The following CPNE4 variants were observed in gnomAD, a reference collection of about 807,000 sequenced individuals.
CPNE4 encodes the protein copine 4, also known as copine-4.
CPNE4 carries 25 observed loss-of-function variants against 67.9 expected under a neutral mutation model. The observed-to-expected ratio is 0.37, with a 90% confidence interval of 0.27 to 0.51. The LOEUF (loss-of-function observed/expected upper bound fraction) is 0.51. Among genes scored for constraint, CPNE4 ranks in the 20% least tolerant of loss-of-function variants. CPNE4 has a pLI of 0.93. For synonymous variants in CPNE4, 242 were observed against 244.9 expected (o/e 0.99, Z 0.11); for missense variants, 464 against 690.8 (o/e 0.67, Z 3.68).
chr3:131,836,361 C>T lies in CPNE4; in HGVS notation c.180+68903G>A, dbSNP rs560286378. On this transcript the variant is annotated intron_variant, in intron 2 of 15. Coordinates refer to ENST00000429747, the MANE Select transcript of CPNE4 (RefSeq NM_130808.3). Reference sequence around the variant, plus strand: ...TACAGTCTAAAAGAAAAAAAGTGTACGATTATATTAATTAAAGCAGAAAAG... The same window carrying T: ...TACAGTCTAAAAGAAAAAAAGTGTATGATTATATTAATTAAAGCAGAAAAG... 9.9e-4 allele frequency among the ~76,000 whole-genome samples: 150 copies of T among 152,134 alleles called. 1 individual carries two copies. Among genetic ancestry groups the T allele is most frequent in the African/African-American group, 3.3e-3 (136 of 41,486 alleles).
At chr3:131,718,026 C>T (rs1317946397) in intron 3 of CPNE4, among the ~76,000 whole-genome samples, 1 of 150,472 alleles carries the variant, frequency 6.6e-6, no homozygotes, top group East Asian at 1.9e-4. Context: ...TCTTTTGAGA[C>T]AGAGTATTGC....
intron 6 of CPNE4, among the ~76,000 whole-genome samples, chr3:131,671,304 T>TA (rs11461098): frequency 0.05 from 7,593 of 152,144 alleles, 593 homozygotes; most frequent in African/African-American, 0.17. Flanking sequence ...GAGAATTAGG[T>TA]AAAAAATTGT....
At chr3:131,918,026 T>C (rs1262430858) in intron 1 of CPNE4, among the ~76,000 whole-genome samples, 1 of 152,214 alleles carries the variant, frequency 6.6e-6, no homozygotes, top group Non-Finnish European at 1.5e-5. Context: ...TAATTATGTG[T>C]CTGTCCCAGT....
chr3:131,907,158 G>C (rs2088805104), intron 1 of CPNE4, among the ~76,000 whole-genome samples: 1 of 152,136 alleles, frequency 6.6e-6, no homozygotes, highest in Non-Finnish European at 1.5e-5. Flanking sequence ...CAGAGCCCCA[G>C]TGATCCACCA....
intron 8 of CPNE4, among the ~76,000 whole-genome samples, chr3:131,587,019 G>C (rs1258642282): frequency 6.6e-6 from 1 of 152,162 alleles, no homozygotes; most frequent in Non-Finnish European, 1.5e-5. Flanking sequence ...TGGAAATATA[G>C]ACCTAGAAGG....
chr3:131,910,721 G>A (rs964613208), intron 1 of CPNE4, among the ~76,000 whole-genome samples: 2 of 152,156 alleles, frequency 1.3e-5, no homozygotes, highest in African/African-American at 2.4e-5. Context: ...GCAGCCATGA[G>A]CCATTATCAG....
chr3:131,876,862 A>C (rs1202768600), intron 2 of CPNE4, among the ~76,000 whole-genome samples: 1 of 152,176 alleles, frequency 6.6e-6, no homozygotes, highest in Non-Finnish European at 1.5e-5. Context: ...AGTACCATGT[A>C]GAAGATGCAC....
At chr3:131,761,314 C>A (rs2082885182) in intron 2 of CPNE4, among the ~76,000 whole-genome samples, 1 of 150,338 alleles carries the variant, frequency 6.7e-6, no homozygotes, top group African/African-American at 2.5e-5. Flanking sequence ...TTCCTGAGCT[C>A]AGGTCATCTT....
intron 2 of CPNE4, among the ~76,000 whole-genome samples, chr3:131,835,055 C>T (rs1381094177): frequency 8.5e-5 from 13 of 152,198 alleles, no homozygotes; most frequent in Non-Finnish European, 1.9e-4. Context: ...TTTCAACAAA[C>T]ACCCTGGATA....
chr3:131,799,002 C>A (rs1350994746), intron 2 of CPNE4, among the ~76,000 whole-genome samples: 1 of 152,040 alleles, frequency 6.6e-6, no homozygotes, highest in Non-Finnish European at 1.5e-5. Context: ...ACTTGCATGT[C>A]CCATAGTCAA....
intron 1 of CPNE4, among the ~76,000 whole-genome samples, chr3:131,929,827 A>G (rs1299316662): frequency 6.6e-6 from 1 of 152,182 alleles, no homozygotes; most frequent in Non-Finnish European, 1.5e-5. Flanking sequence ...CCTTACTGCT[A>G]TTGAATGAAT....
chr3:131,866,729 A>G (rs1240306326), intron 2 of CPNE4, among the ~76,000 whole-genome samples: 2 of 152,204 alleles, frequency 1.3e-5, no homozygotes, highest in African/African-American at 2.4e-5. Context: ...GTTCAAAAGA[A>G]AAATAAGTGA....
intron 2 of CPNE4, among the ~76,000 whole-genome samples, chr3:131,826,570 GT>G (rs1217614345): frequency 2.7e-5 from 4 of 150,022 alleles, no homozygotes; most frequent in African/African-American, 7.6e-5. Flanking sequence ...TTGTTTTTTT[GT>G]TTGTTTGTTT....
intron 11 of CPNE4, among the ~76,000 whole-genome samples, chr3:131,557,087 T>C (rs1374167143): frequency 6.6e-6 from 1 of 152,126 alleles, no homozygotes; most frequent in African/African-American, 2.4e-5. Context: ...GTATTAAATG[T>C]GATTTTCTGC....
At chr3:131,894,116 G>T (rs748056071) in intron 2 of CPNE4, among the ~76,000 whole-genome samples, 5 of 151,684 alleles carry the variant, frequency 3.3e-5, no homozygotes, top group Admixed American at 6.6e-5. Context: ...TAACATAGAA[G>T]AAATACATAA....
At chr3:131,859,562 C>T (rs1325048130) in intron 2 of CPNE4, among the ~76,000 whole-genome samples, 2 of 152,074 alleles carry the variant, frequency 1.3e-5, no homozygotes, top group African/African-American at 4.8e-5. Flanking sequence ...ATTCCAACAC[C>T]CAGGCCACAC....
chr3:131,690,889 C>G (rs954879117), intron 5 of CPNE4, among the ~76,000 whole-genome samples: 2 of 152,108 alleles, frequency 1.3e-5, no homozygotes, highest in Non-Finnish European at 2.9e-5. Flanking sequence ...AAAAATTGGG[C>G]AAAGGACATG....
intron 8 of CPNE4, among the ~76,000 whole-genome samples, chr3:131,586,219 C>T (rs1938171932): frequency 6.6e-6 from 1 of 152,184 alleles, no homozygotes; most frequent in South Asian, 2.1e-4. Flanking sequence ...CTCCTTTCTG[C>T]TCCATGAGGA....
intron 1 of CPNE4, among the ~76,000 whole-genome samples, chr3:131,931,271 A>T (rs2071052366): frequency 6.6e-6 from 1 of 152,184 alleles, no homozygotes. Flanking sequence ...GTTTCAAGAC[A>T]GGAAATGAAA....
Sources: gnomAD v4.1 joint callset for allele counts (sites outside exome capture counted in the v4.1 genomes callset) on GRCh38, gnomAD v4.1.1 for gene constraint, MANE v1.5 for transcripts, NCBI Gene and HGNC (gene_info 2026-07-23, HGNC 2026-07-21) for gene names.